The following HS3ST4 variants were observed in gnomAD, a reference collection of about 807,000 sequenced individuals.
HS3ST4 encodes the protein heparan sulfate-glucosamine 3-sulfotransferase 4, also known as heparan sulfate glucosamine 3-O-sulfotransferase 4.
In HS3ST4, 17 loss-of-function variants were observed where a neutral mutation model predicts 29.2. That is an observed-to-expected ratio of 0.58 (90% CI 0.40 to 0.87). HS3ST4 has a LOEUF of 0.87. HS3ST4 is among the 40% of genes least tolerant of loss of function. The pLI, the probability that HS3ST4 is intolerant of heterozygous loss-of-function variation, is 0.00. For synonymous variants in HS3ST4, 314 were observed against 285.7 expected, an observed-to-expected ratio of 1.10 and a Z score of -1.00; for missense variants, 627 against 634.5, an observed-to-expected ratio of 0.99 and a Z score of 0.13.
chr16:25,745,205 A>G (rs1012846893), intron 1 of HS3ST4, among the ~76,000 whole-genome samples: 25 of 152,196 alleles, frequency 1.6e-4, no homozygotes, highest in African/African-American at 5.5e-4. Context: ...TTCTATTACT[A>G]AAGATGAAGG....
At chr16:25,887,229 G>A (rs115104114) in intron 1 of HS3ST4, among the ~76,000 whole-genome samples, 2,384 of 152,160 alleles carry the variant, frequency 0.016, 75 homozygotes, top group African/African-American at 0.053. Flanking sequence ...AGGCAGAAGC[G>A]GACACTGAGG....
intron 1 of HS3ST4, among the ~76,000 whole-genome samples, chr16:25,735,854 A>G (rs1305205929): frequency 2.6e-5 from 4 of 152,192 alleles, no homozygotes; most frequent in African/African-American, 9.6e-5. Flanking sequence ...ACCTGGAGCT[A>G]GGGGGTGGCA....
chr16:25,721,621 C>T (rs981622181), intron 1 of HS3ST4, among the ~76,000 whole-genome samples: 2 of 152,172 alleles, frequency 1.3e-5, no homozygotes, highest in Admixed American at 6.5e-5. Flanking sequence ...TATTTATGCA[C>T]AGACAGTTCT....
chr16:25,808,031 C>G (rs1344179019), intron 1 of HS3ST4, among the ~76,000 whole-genome samples: 2 of 151,964 alleles, frequency 1.3e-5, no homozygotes, highest in Non-Finnish European at 2.9e-5. Context: ...GATACCAATC[C>G]TTTTTCAGAT....
intron 1 of HS3ST4, among the ~76,000 whole-genome samples, chr16:25,731,824 T>C (rs908391574): frequency 6.6e-6 from 1 of 152,202 alleles, no homozygotes; most frequent in African/African-American, 2.4e-5. Flanking sequence ...TGCAAGCTGC[T>C]AGGAAAATAA....
At chr16:25,913,584 T>A (rs1968260306) in intron 1 of HS3ST4, among the ~76,000 whole-genome samples, 1 of 152,234 alleles carries the variant, frequency 6.6e-6, no homozygotes, top group South Asian at 2.1e-4. Context: ...GTGAAGGTTT[T>A]TAGAAAGGTT....
At chr16:25,866,125 A>G (rs1220527080) in intron 1 of HS3ST4, among the ~76,000 whole-genome samples, 1 of 152,206 alleles carries the variant, frequency 6.6e-6, no homozygotes, top group Non-Finnish European at 1.5e-5. Context: ...CAATTCCTTA[A>G]CTACCTCTTA....
intron 1 of HS3ST4, among the ~76,000 whole-genome samples, chr16:26,109,759 C>A (rs1352848029): frequency 6.6e-6 from 1 of 151,172 alleles, no homozygotes; most frequent in East Asian, 1.9e-4. Flanking sequence ...TTTTTTTTCC[C>A]AGCTCTATTT....
intron 1 of HS3ST4, among the ~76,000 whole-genome samples, chr16:26,120,603 ACACT>A (rs770274654): frequency 2.0e-4 from 30 of 152,290 alleles, no homozygotes; most frequent in Admixed American, 1.6e-3. Context: ...GTGGCAGAAC[ACACT>A]CGCTCTTCAC....
chr16:25,924,834 T>A (rs528393231), intron 1 of HS3ST4, among the ~76,000 whole-genome samples: 42 of 152,330 alleles, frequency 2.8e-4, no homozygotes, highest in Admixed American at 8.5e-4. Flanking sequence ...TTTTGGATAA[T>A]GAACATCAAG....
At chr16:25,723,909 C>T (rs779562699) in intron 1 of HS3ST4, among the ~76,000 whole-genome samples, 5 of 152,006 alleles carry the variant, frequency 3.3e-5, no homozygotes, top group Non-Finnish European at 7.4e-5. Flanking sequence ...GTCAAGAGAT[C>T]GAGACCATCT....
intron 1 of HS3ST4, among the ~76,000 whole-genome samples, chr16:25,951,200 A>G (rs1209565770): frequency 1.3e-5 from 2 of 152,202 alleles, no homozygotes; most frequent in Non-Finnish European, 2.9e-5. Flanking sequence ...AGGCATTCCT[A>G]CATGAGGCCC....
intron 1 of HS3ST4, among the ~76,000 whole-genome samples, chr16:26,091,754 G>A (rs139269160): frequency 8.5e-5 from 13 of 152,282 alleles, no homozygotes; most frequent in Non-Finnish European, 1.9e-4. Context: ...CATCTGTTAA[G>A]TTCCCATGAT....
intron 1 of HS3ST4, among the ~76,000 whole-genome samples, chr16:25,944,946 GAAC>G (rs756414533): frequency 1.3e-5 from 2 of 152,076 alleles, no homozygotes; most frequent in Non-Finnish European, 2.9e-5. Flanking sequence ...ATGCTTATTT[GAAC>G]AACTCGACTT....
intron 1 of HS3ST4, among the ~76,000 whole-genome samples, chr16:25,818,404 C>T (rs1596580350): frequency 1.3e-5 from 2 of 152,116 alleles, no homozygotes; most frequent in African/African-American, 4.8e-5. Flanking sequence ...TCCACCAGCC[C>T]CTTGATTTTG....
At chr16:26,031,291 G>A (rs1313779311) in intron 1 of HS3ST4, among the ~76,000 whole-genome samples, 1 of 152,160 alleles carries the variant, frequency 6.6e-6, no homozygotes, top group African/African-American at 2.4e-5. Flanking sequence ...ACCAGAGAAA[G>A]AGATGGATAC....
Position 25,715,214 on chromosome 16 carries a change from C to T in HS3ST4, c.734+22063C>T, listed in dbSNP as rs368436568. The stretch of plus-strand genomic sequence containing the variant: ...GCGGGCGCCTGTAGTCCCAGCTACT[C>T]GGGAGGCTGAGGCAGGAGAATGGCG... On this transcript the variant is annotated intron_variant, in intron 1 of 1. Coordinates refer to ENST00000331351, the MANE Select transcript of HS3ST4 (RefSeq NM_006040.3). Among the ~76,000 whole-genome samples, 385 of 151,106 alleles carry T rather than the reference C, an allele frequency of 2.5e-3. 1 individual carries two copies. The highest frequency in any genetic ancestry group is 7.9e-3 in the African/African-American group (325 of 41,180).
chr16:25,954,320 A>C (rs1254558194), intron 1 of HS3ST4, among the ~76,000 whole-genome samples: 2 of 152,190 alleles, frequency 1.3e-5, no homozygotes, highest in Non-Finnish European at 2.9e-5. Flanking sequence ...ACTAGCTTGA[A>C]TCTGCTTACC....
intron 1 of HS3ST4, among the ~76,000 whole-genome samples, chr16:25,841,196 G>A (rs1306691443): frequency 6.6e-6 from 1 of 151,924 alleles, no homozygotes; most frequent in Non-Finnish European, 1.5e-5. Context: ...TAGTAGAGAC[G>A]GGGTTTCACT....
Sources: gnomAD v4.1 joint callset for allele counts (sites outside exome capture counted in the v4.1 genomes callset) on GRCh38, gnomAD v4.1.1 for gene constraint, MANE v1.5 for transcripts, NCBI Gene and HGNC (gene_info 2026-07-23, HGNC 2026-07-21) for gene names.